PPARGC1B: variants seen among roughly 807,000 people sequenced by gnomAD.
PPARGC1B encodes PPARG coactivator 1 beta.
PPARGC1B carries 34 observed loss-of-function variants against 101.6 expected under a neutral mutation model. The ratio of observed to expected loss-of-function variants is 0.33; its 90% CI spans 0.25 to 0.45. The LOEUF (loss-of-function observed/expected upper bound fraction) is 0.45. PPARGC1B is among the 20% of genes least tolerant of loss of function. The probability of loss-of-function intolerance (pLI) is 1.00; values close to 1 mark genes in which losing one functional copy is unlikely to be tolerated. For synonymous variants in PPARGC1B, 548 were observed against 539.3 expected, an observed-to-expected ratio of 1.02 and a Z score of -0.22; for missense variants, 1,234 against 1,317.6, an observed-to-expected ratio of 0.94 and a Z score of 0.98.
chr5:149,740,687 A>T (rs1042457850), intron 1 of PPARGC1B, among the ~76,000 whole-genome samples: 1 of 152,242 alleles, frequency 6.6e-6, no homozygotes, highest in Admixed American at 6.5e-5. Flanking sequence ...TTGAGCAAGT[A>T]TCTTAACTTC....
At chr5:149,765,917 T>C (rs925865746) in intron 1 of PPARGC1B, among the ~76,000 whole-genome samples, 1 of 152,058 alleles carries the variant, frequency 6.6e-6, no homozygotes. Flanking sequence ...TGAGATTGTT[T>C]TAGGATTAAA....
intron 1 of PPARGC1B, among the ~76,000 whole-genome samples, chr5:149,790,346 G>C (rs1756970153): frequency 6.6e-6 from 1 of 152,076 alleles, no homozygotes; most frequent in African/African-American, 2.4e-5. Context: ...GTGGAAGCCT[G>C]GTGGCTTCCC....
At chr5:149,751,917 G>GT (rs1404738646) in intron 1 of PPARGC1B, among the ~76,000 whole-genome samples, 1 of 152,160 alleles carries the variant, frequency 6.6e-6, no homozygotes, top group Non-Finnish European at 1.5e-5. Context: ...GGTAGTCATA[G>GT]TTTAACTATC....
chr5:149,793,990 G>A lies in PPARGC1B; in HGVS notation c.79-26443G>A, dbSNP rs560598741. 6.6e-4 allele frequency among the ~76,000 whole-genome samples: 101 copies of A among 152,312 alleles called. 1 individual carries two copies. Among genetic ancestry groups the A allele is most frequent in the Admixed American group, 6.4e-3 (98 of 15,298 alleles). On this transcript the variant is annotated intron_variant, in intron 1 of 11. Transcript: ENST00000309241. ...TGCCGGTTTTTGTAAAGTTTTATTG[G>A]AACCTAGCCATGCCCGTTTATTTAT...
chr5:149,810,285 A>G (rs1017187788), intron 1 of PPARGC1B, among the ~76,000 whole-genome samples: 6 of 152,242 alleles, frequency 3.9e-5, no homozygotes, highest in African/African-American at 1.4e-4. Context: ...CGCAGAATAT[A>G]CTTCAACCTT....
At chr5:149,770,737 G>T (rs1200194137) in intron 1 of PPARGC1B, among the ~76,000 whole-genome samples, 10 of 151,816 alleles carry the variant, frequency 6.6e-5, no homozygotes. Context: ...GGAGGCTGAG[G>T]TGGGAGAACT....
At chr5:149,749,441 G>GT (rs1755208652) in intron 1 of PPARGC1B, among the ~76,000 whole-genome samples, 1 of 152,150 alleles carries the variant, frequency 6.6e-6, no homozygotes, top group Non-Finnish European at 1.5e-5. Flanking sequence ...GAAGAGAGAT[G>GT]TTTTTTGAAT....
chr5:149,827,736 A>G (rs1368010406), intron 3 of PPARGC1B, among the ~76,000 whole-genome samples: 2 of 152,240 alleles, frequency 1.3e-5, no homozygotes, highest in African/African-American at 4.8e-5. Flanking sequence ...CGGAATGTGG[A>G]AATGTGCACA....
intron 1 of PPARGC1B, among the ~76,000 whole-genome samples, chr5:149,818,390 G>T (rs533551933): frequency 6.6e-6 from 1 of 152,314 alleles, no homozygotes; most frequent in African/African-American, 2.4e-5. Context: ...TGGGCAGGTG[G>T]TGGGCAGGGT....
At chr5:149,747,853 G>A (rs533406796) in intron 1 of PPARGC1B, among the ~76,000 whole-genome samples, 1 of 152,212 alleles carries the variant, frequency 6.6e-6, no homozygotes, top group African/African-American at 2.4e-5. Context: ...CTAGAGGACA[G>A]TGATGGTGTC....
chr5:149,807,437 C>T (rs1206167905), intron 1 of PPARGC1B, among the ~76,000 whole-genome samples: 1 of 152,088 alleles, frequency 6.6e-6, no homozygotes, highest in Non-Finnish European at 1.5e-5. Flanking sequence ...GTGACATGAG[C>T]AACAGTCACC....
intron 1 of PPARGC1B, among the ~76,000 whole-genome samples, chr5:149,746,017 G>A (rs1330336922): frequency 6.6e-6 from 1 of 152,154 alleles, no homozygotes; most frequent in African/African-American, 2.4e-5. Flanking sequence ...TGCTGGTCAT[G>A]GTCCCAGACC....
intron 1 of PPARGC1B, among the ~76,000 whole-genome samples, chr5:149,795,658 C>T (rs1222899911): frequency 1.3e-5 from 2 of 152,066 alleles, no homozygotes; most frequent in Admixed American, 6.6e-5. Context: ...CGCAGGAGGG[C>T]GGCAGCTTCT....
At chr5:149,749,524 CTT>C (rs1266457274) in intron 1 of PPARGC1B, among the ~76,000 whole-genome samples, 1 of 152,184 alleles carries the variant, frequency 6.6e-6, no homozygotes, top group Non-Finnish European at 1.5e-5. Flanking sequence ...GATCTCCAGT[CTT>C]TTCGGAATTG....
At chr5:149,776,478 A>G (rs1756363552) in intron 1 of PPARGC1B, among the ~76,000 whole-genome samples, 1 of 152,174 alleles carries the variant, frequency 6.6e-6, no homozygotes, top group South Asian at 2.1e-4. Context: ...GACAGTTTGC[A>G]TCCCAGATCT....
At chr5:149,752,554 C>T (rs1415045920) in intron 1 of PPARGC1B, among the ~76,000 whole-genome samples, 4 of 152,216 alleles carry the variant, frequency 2.6e-5, no homozygotes, top group Non-Finnish European at 4.4e-5. Flanking sequence ...ACAGGCCAGG[C>T]GTGGCGGCTC....
At chr5:149,841,766 C>T (rs957801867) in intron 9 of PPARGC1B, among the ~76,000 whole-genome samples, 15 of 152,164 alleles carry the variant, frequency 9.9e-5, no homozygotes, top group Non-Finnish European at 1.8e-4. Flanking sequence ...CTGAAGGTGA[C>T]GCCTTGGTGA....
intron 1 of PPARGC1B, among the ~76,000 whole-genome samples, chr5:149,786,513 A>G (rs1756815433): frequency 6.6e-6 from 1 of 152,236 alleles, no homozygotes; most frequent in Admixed American, 6.5e-5. Flanking sequence ...CTGGGATTAC[A>G]GGCATGAGCC....
At chr5:149,803,924 T>G (rs1385860545) in intron 1 of PPARGC1B, among the ~76,000 whole-genome samples, 1 of 152,234 alleles carries the variant, frequency 6.6e-6, no homozygotes, top group Non-Finnish European at 1.5e-5. Flanking sequence ...CAGGCCTCCT[T>G]GGCTTCCCTT....
Sources: gnomAD v4.1 joint callset for allele counts (sites outside exome capture counted in the v4.1 genomes callset) on GRCh38, gnomAD v4.1.1 for gene constraint, MANE v1.5 for transcripts, NCBI Gene and HGNC (gene_info 2026-07-23, HGNC 2026-07-21) for gene names.